Variants in DOC2B observed in about 807,000 individuals in gnomAD.
The protein encoded by DOC2B is double C2 domain beta, also known as double C2-like domain-containing protein beta.
DOC2B carries 21 observed loss-of-function variants against 28.9 expected under a neutral mutation model. The observed-to-expected ratio is 0.73, with a 90% CI of 0.52 to 1.05. DOC2B has a LOEUF of 1.05. Among genes scored for constraint, DOC2B ranks in the 50% least tolerant of loss-of-function variants. The probability of loss-of-function intolerance (pLI) is 0.00; values close to 1 mark genes in which losing one functional copy is unlikely to be tolerated. For missense variants in DOC2B, 384 were observed against 421.1 expected (o/e 0.91, Z 0.77); for synonymous variants, 194 against 178.1 (o/e 1.09, Z -0.71).
chr17:147,906 G>A (rs2040033009), intron 8 of DOC2B, among the ~76,000 whole-genome samples: 1 of 152,198 alleles, frequency 6.6e-6, no homozygotes, highest in Non-Finnish European at 1.5e-5. Context: ...GGCCTCTAGG[G>A]CTCAGAGTCC....
intron 1 of DOC2B, among the ~76,000 whole-genome samples, chr17:177,531 C>T (rs2040384161): frequency 6.6e-6 from 1 of 152,266 alleles, no homozygotes; most frequent in Non-Finnish European, 1.5e-5. Flanking sequence ...CTCCCTCCTC[C>T]CAGTCTTAGG....
chr17:161,647 T>C (rs2040206140), intron 4 of DOC2B, 106 bp from the exon 5 acceptor site: 6 of 1,502,896 alleles, frequency 4.0e-6, no homozygotes, highest in African/African-American at 2.8e-5. Flanking sequence ...CCCCAAGCCC[T>C]GCCCTGGTCT....
At chr17:161,331 G>T in intron 5 of DOC2B, 84 bp downstream of exon 5, 1 of 1,393,954 alleles carries the variant, frequency 7.2e-7, no homozygotes, top group Non-Finnish European at 9.9e-7. Flanking sequence ...CCCCTCATGA[G>T]TCCCATCACA....
In DOC2B at chr17:162,063, C is replaced by T. The variant is rs1555523318; in HGVS notation, c.638+18G>A. ...TAGGGGTTGGGGAGGGAGCAGGCGGCCTGGGACCCTCACCCACCGCAGGGT... is the reference window on the plus strand; with the variant it reads ...TAGGGGTTGGGGAGGGAGCAGGCGGTCTGGGACCCTCACCCACCGCAGGGT... On this transcript the variant is annotated intron_variant, in intron 4 of 8. Transcript: ENST00000613549. 16 of 1,529,274 alleles carry T rather than the reference C, an allele frequency of 1.0e-5. No individual in the cohort carries two copies. Among genetic ancestry groups the T allele is most frequent in the Non-Finnish European group, 1.4e-5 (16 of 1,126,764 alleles). The allele number at this position is 1,529,274 out of a possible 1,614,324, so 94.7% of individuals were successfully genotyped here. A position where few individuals can be genotyped will look rare whatever the true frequency, so the allele number is the denominator to read the frequency against.
chr17:166,718 C>T (rs2040270070), intron 2 of DOC2B, among the ~76,000 whole-genome samples: 1 of 149,594 alleles, frequency 6.7e-6, no homozygotes, highest in African/African-American at 2.5e-5. Context: ...GTAGTGAATA[C>T]GTCTCACGAG....
At chr17:180,423 G>A (rs1020718053) in intron 1 of DOC2B, among the ~76,000 whole-genome samples, 6 of 152,114 alleles carry the variant, frequency 3.9e-5, no homozygotes, top group Non-Finnish European at 7.4e-5. Context: ...TCTCTGCCCG[G>A]GGGCCGCGGG....
chr17:170,748 G>C (rs2040302944), intron 2 of DOC2B, among the ~76,000 whole-genome samples: 1 of 152,134 alleles, frequency 6.6e-6, no homozygotes, highest in Admixed American at 6.5e-5. Context: ...CAGAGCCAGA[G>C]GGCAGCACCA....
intron 6 of DOC2B, among the ~76,000 whole-genome samples, chr17:154,151 G>A (rs1307390999): frequency 6.6e-6 from 1 of 151,410 alleles, no homozygotes; most frequent in East Asian, 1.9e-4. Context: ...CCACGCACCT[G>A]CTACACTCCT....
At chr17:170,273 G>A (rs2040296703) in intron 2 of DOC2B, among the ~76,000 whole-genome samples, 1 of 152,188 alleles carries the variant, frequency 6.6e-6, no homozygotes, top group African/African-American at 2.4e-5. Flanking sequence ...CATAGCATGG[G>A]TGGTTCTAGA....
chr17:154,854 C>A (rs2040115161), intron 6 of DOC2B, among the ~76,000 whole-genome samples: 1 of 152,078 alleles, frequency 6.6e-6, no homozygotes, highest in South Asian at 2.1e-4. Context: ...CTCAGCCTCC[C>A]AAGTAGCTGC....
chr17:152,190 G>A (rs2040079789), intron 6 of DOC2B, among the ~76,000 whole-genome samples: 1 of 152,208 alleles, frequency 6.6e-6, no homozygotes, highest in Non-Finnish European at 1.5e-5. Flanking sequence ...AAGACAGCCA[G>A]AGAAGGGAGT....
chr17:147,665 G>A (rs1309149239), intron 8 of DOC2B, 88 bp from the exon 9 acceptor site: 5 of 398,448 alleles, frequency 1.3e-5, no homozygotes, highest in East Asian at 3.6e-5. Context: ...TTCTGTGCTC[G>A]AAGGCCAGCC....
intron 8 of DOC2B, 60 bp downstream of exon 8, chr17:148,113 G>C (rs965799317): frequency 0.024 from 9,648 of 398,442 alleles, 783 homozygotes; most frequent in African/African-American, 0.18. Context: ...GGAAAGAGGG[G>C]CTGTGGCCTG....
At chr17:161,360 C>T in intron 5 of DOC2B, 55 bp downstream of exon 5, 4 of 1,534,550 alleles carry the variant, frequency 2.6e-6, no homozygotes, top group South Asian at 2.4e-5. Context: ...GTTCTGCCTT[C>T]CCAGCACCTG....
intron 2 of DOC2B, among the ~76,000 whole-genome samples, chr17:169,387 A>C (rs941896748): frequency 2.6e-5 from 4 of 151,560 alleles, no homozygotes; most frequent in African/African-American, 9.7e-5. Context: ...TAATGGGTCC[A>C]GTTTAGTTTT....
rs149531043 is a variant in DOC2B at position 174,600 on chromosome 17, T to G, written c.374-1984A>C. ...GACTCTTCCGTATGTCACGGTCATG[T>G]TCCAGAGGCAAAAGGGGACACGAAG... is the stretch of plus-strand genomic sequence containing the variant. On this transcript the variant is annotated intron_variant, in intron 1 of 8. Coordinates refer to ENST00000613549, the MANE Select transcript of DOC2B (RefSeq NM_003585.5). Among the ~76,000 whole-genome samples, 240 of 152,312 alleles carry G rather than the reference T, an allele frequency of 1.6e-3. 1 individual carries two copies. Among genetic ancestry groups the G allele is most frequent in the African/African-American group, 5.6e-3 (232 of 41,570 alleles).
intron 3 of DOC2B, 47 bp downstream of exon 3, chr17:164,083 T>C (rs188847216): frequency 1.4e-6 from 2 of 1,434,092 alleles, no homozygotes; most frequent in Non-Finnish European, 1.9e-6. Flanking sequence ...TTGCCTGAGG[T>C]GGTGGGCGGG....
At chr17:148,332 A>G in intron 7 of DOC2B, 63 bp from the exon 8 acceptor site, 1 of 398,458 alleles carries the variant, frequency 2.5e-6, no homozygotes, top group Non-Finnish European at 4.4e-6. Context: ...GGGGGCCAGG[A>G]GGGGTATGAG....
intron 1 of DOC2B, among the ~76,000 whole-genome samples, chr17:174,925 C>T (rs2151475628): frequency 6.6e-6 from 1 of 152,300 alleles, no homozygotes; most frequent in East Asian, 1.9e-4. Flanking sequence ...TCGAGACCAG[C>T]CTGGCCAACA....
Sources: gnomAD v4.1 joint callset for allele counts (sites outside exome capture counted in the v4.1 genomes callset) on GRCh38, gnomAD v4.1.1 for gene constraint, MANE v1.5 for transcripts, NCBI Gene and HGNC (gene_info 2026-07-23, HGNC 2026-07-21) for gene names.